TTC13: variants seen among roughly 807,000 people sequenced by gnomAD.
TTC13 encodes tetratricopeptide repeat domain 13.
TTC13 carries 62 observed loss-of-function variants against 120.0 expected under a neutral mutation model. That is an observed-to-expected ratio of 0.52 (90% CI 0.42 to 0.64). The LOEUF is 0.64. TTC13 is among the 30% of genes least tolerant of loss of function. The probability of loss-of-function intolerance (pLI) is 0.00; values close to 1 mark genes in which losing one functional copy is unlikely to be tolerated. For synonymous variants in TTC13, 384 were observed against 393.5 expected, an observed-to-expected ratio of 0.98 and a Z score of 0.28; for missense variants, 824 against 1,050.2, an observed-to-expected ratio of 0.78 and a Z score of 2.98.
At chr1:230,947,958 C>G (rs1029778603) in intron 4 of TTC13, among the ~76,000 whole-genome samples, 1 of 152,168 alleles carries the variant, frequency 6.6e-6, no homozygotes. Context: ...ATCCTCCCAC[C>G]CACTCCATCA....
chr1:230,913,887 C>T lies in TTC13; in HGVS notation c.2094-1129G>A, dbSNP rs1423204900. ...CAACAGGGAGATGGTCCAGGTCAAGCAGGAAATGTCTGAGGCCACTTTGTG... is the reference window on the plus strand; with the variant it reads ...CAACAGGGAGATGGTCCAGGTCAAGTAGGAAATGTCTGAGGCCACTTTGTG... On this transcript the variant is annotated intron_variant, in intron 18 of 22. Coordinates refer to ENST00000366661, the MANE Select transcript of TTC13 (RefSeq NM_024525.5). Among the ~76,000 whole-genome samples, 6 of 152,116 alleles carry T rather than the reference C, an allele frequency of 3.9e-5. No homozygotes were observed. The East Asian group carries it at 9.6e-4, about 24-fold the overall frequency.
intron 18 of TTC13, among the ~76,000 whole-genome samples, chr1:230,915,688 CTTGA>C (rs1043514633): frequency 5.3e-5 from 8 of 151,788 alleles, no homozygotes; most frequent in African/African-American, 1.7e-4. Flanking sequence ...AAGAAAATAA[CTTGA>C]TTTTTATTTT....
At chr1:230,961,705 T>C (rs1478496840) in intron 1 of TTC13, among the ~76,000 whole-genome samples, 1 of 152,220 alleles carries the variant, frequency 6.6e-6, no homozygotes, top group African/African-American at 2.4e-5. Context: ...GTGAGCTTCC[T>C]GGATGGTTAA....
intron 8 of TTC13, chr1:230,936,528 A>G (rs1674070028): frequency 3.9e-6 from 1 of 255,094 alleles, no homozygotes; most frequent in African/African-American, 2.2e-5. Flanking sequence ...TGGTTTGTGA[A>G]ATATCCTTAC....
intron 11 of TTC13, among the ~76,000 whole-genome samples, chr1:230,929,322 A>ACTTT (rs528909612): frequency 6.9e-6 from 1 of 144,438 alleles, no homozygotes; most frequent in Admixed American, 6.9e-5. Flanking sequence ...CTTTGGCTAC[A>ACTTT]TTTTTTTTTT....
rs1671252589 is a variant in TTC13, at chr1:230,909,295, G to A, written c.2310-275C>T. On this transcript the variant is annotated intron_variant, in intron 20 of 22. Coordinates refer to ENST00000366661, the MANE Select transcript of TTC13 (RefSeq NM_024525.5). ...AAGGTGGGCGGATCGCTTGAGGTCA[G>A]GAGTTTGACAGCAACATGGCGAAAC... Among the ~76,000 whole-genome samples, 5 of 151,992 alleles carry A rather than the reference G, an allele frequency of 3.3e-5. No homozygotes were observed. In the South Asian group the frequency reaches 1.0e-3, roughly 32 times the overall value.
At position 230,933,782 on chromosome 1, in the gene TTC13, T is replaced by C; in HGVS notation, c.980A>G (p.Tyr327Cys). ...CAACTGTTATTATTTTACTCACCTATATGCCTGCCCTAGACTTTTATATGC... is the reference window on the plus strand; with the variant it reads ...CAACTGTTATTATTTTACTCACCTACATGCCTGCCCTAGACTTTTATATGC... ...IDAYKSLGQA[Y>C]RELGNFEAAT... Residue 327 changes from tyrosine to cysteine, a missense_variant, in exon 9 of 23, where the codon TAT (tyrosine) becomes TGT (cysteine). Physicochemically the swap from Tyr to Cys is radical, Grantham distance 194. Coordinates refer to ENST00000366661, the MANE Select transcript of TTC13 (RefSeq NM_024525.5). 6.2e-7 allele frequency: 1 copy of C among 1,601,126 alleles called. No individual in the cohort carries two copies. The highest frequency in any genetic ancestry group is 1.7e-4 in the Middle Eastern group (1 of 6,034).
chr1:230,921,507 AT>A lies in TTC13; in HGVS notation c.1815-4del, dbSNP rs774914939. On this transcript the variant is annotated splice_region_variant and splice_polypyrimidine_tract_variant and intron_variant, in intron 15 of 22. Transcript: ENST00000366661. ...ATCTCATGTTGATCACCTGACCCCT[AT>A]AAGGCAAAAATAATAAAATTAAGAA... 4 of 1,429,604 alleles carry A rather than the reference AT, an allele frequency of 2.8e-6. No homozygotes were observed. Among genetic ancestry groups the A allele is most frequent in the Non-Finnish European group, 3.8e-6 (4 of 1,051,080 alleles). The allele number at this position is 1,429,604 out of a possible 1,614,324, so 88.6% of individuals were successfully genotyped here.
chr1:230,917,937 G>A (rs1418155831), intron 17 of TTC13, among the ~76,000 whole-genome samples: 1 of 152,212 alleles, frequency 6.6e-6, no homozygotes, highest in Non-Finnish European at 1.5e-5. Context: ...CTGTGGTGAA[G>A]CCATTCTGCC....
chr1:230,908,693 AC>A lies in TTC13; in HGVS notation c.2468+18del. On this transcript the variant is annotated intron_variant, in intron 22 of 22. Coordinates refer to ENST00000366661, the MANE Select transcript of TTC13 (RefSeq NM_024525.5). The stretch of plus-strand genomic sequence containing the variant: ...CTCCAGTTATGATACCCTTGTGTGG[AC>A]CCCCCTCAAGTAGTTACCTTTTCAA... 2.5e-6 allele frequency: 4 copies of A among 1,604,564 alleles called. No homozygotes were observed. Among genetic ancestry groups the A allele is most frequent in the African/African-American group, 1.3e-5 (1 of 74,736 alleles).
intron 13 of TTC13, among the ~76,000 whole-genome samples, chr1:230,925,311 A>G (rs3828132): frequency 0.47 from 71,910 of 152,052 alleles, 17,545 homozygotes; most frequent in Admixed American, 0.57. Flanking sequence ...ATTCTAGTTT[A>G]TACTACAGCA....
At chr1:230,943,939 C>A (rs1339729058) in intron 5 of TTC13, 41 bp from the exon 6 acceptor site, 1 of 1,458,216 alleles carries the variant, frequency 6.9e-7, no homozygotes, top group South Asian at 1.3e-5. Flanking sequence ...TACTGTTACT[C>A]AAAACCAGGC....
intron 8 of TTC13, among the ~76,000 whole-genome samples, chr1:230,935,872 G>A (rs1674004837): frequency 6.6e-6 from 1 of 152,188 alleles, no homozygotes; most frequent in South Asian, 2.1e-4. Context: ...GGAGAGAAAA[G>A]AAGGGTCAAC....
intron 1 of TTC13, among the ~76,000 whole-genome samples, chr1:230,970,517 G>C (rs190552760): frequency 6.6e-6 from 1 of 152,144 alleles, no homozygotes; most frequent in African/African-American, 2.4e-5. Flanking sequence ...CAGAGGCACC[G>C]GCCACTCATC....
At chr1:230,907,133 A>C in intron 22 of TTC13, 114 bp from the exon 23 acceptor site, 1 of 443,038 alleles carries the variant, frequency 2.3e-6, no homozygotes, top group Non-Finnish European at 4.0e-6. Context: ...TTGTAATATC[A>C]AACAGTGTTA....
At chr1:230,926,819 T>G (rs1673094227) in intron 12 of TTC13, among the ~76,000 whole-genome samples, 1 of 152,228 alleles carries the variant, frequency 6.6e-6, no homozygotes, top group Non-Finnish European at 1.5e-5. Context: ...GTTTAAGAAC[T>G]AGAGCAATTC....
At chr1:230,932,203 T>C (rs1673620512) in intron 9 of TTC13, among the ~76,000 whole-genome samples, 1 of 152,056 alleles carries the variant, frequency 6.6e-6, no homozygotes, top group East Asian at 1.9e-4. Flanking sequence ...AATATATGGA[T>C]AGAAACACAC....
At chr1:230,936,457 G>C in intron 8 of TTC13, 1 of 318,578 alleles carries the variant, frequency 3.1e-6, no homozygotes, top group East Asian at 8.2e-5. Context: ...GCTGTTCCTT[G>C]TAACTAAGAG....
In TTC13 at chr1:230,920,609, G is replaced by A. The variant is rs1381327248; in HGVS notation, c.1899-15C>T. 5 of 1,463,140 alleles carry A rather than the reference G, an allele frequency of 3.4e-6. No homozygotes were observed. The highest frequency in any genetic ancestry group is 4.6e-6 in the Non-Finnish European group (5 of 1,083,652). The allele number at this position is 1,463,140 out of a possible 1,614,324, so 90.6% of individuals were successfully genotyped here. On this transcript the variant is annotated splice_polypyrimidine_tract_variant and intron_variant, in intron 16 of 22. Coordinates refer to ENST00000366661, the MANE Select transcript of TTC13 (RefSeq NM_024525.5). ...GATTATTAGCTCTTAAAGAGAGACAGAGAGAGATGGCAACTGAGATTAATG... is the reference window on the plus strand; with the variant it reads ...GATTATTAGCTCTTAAAGAGAGACAAAGAGAGATGGCAACTGAGATTAATG...
Sources: allele counts gnomAD v4.1 joint callset (sites outside exome capture counted in the v4.1 genomes callset), GRCh38; gene constraint gnomAD v4.1.1; transcripts MANE v1.5; gene names NCBI Gene and HGNC (gene_info 2026-07-23, HGNC 2026-07-21).